DLGAP2: variants seen among roughly 807,000 people sequenced by gnomAD.
DLGAP2 encodes disks large-associated protein 2.
A neutral mutation model predicts 100.3 loss-of-function variants in DLGAP2; 26 were observed. The observed-to-expected ratio is 0.26, with a 90% CI of 0.19 to 0.36. The LOEUF is 0.36. Ranked by LOEUF, DLGAP2 falls within the 10% of genes least tolerant of loss-of-function variation. DLGAP2 has a pLI of 1.00. For synonymous variants in DLGAP2, 886 were observed against 630.1 expected, an observed-to-expected ratio of 1.41 and a Z score of -6.08; for missense variants, 1,858 against 1,453.2, an observed-to-expected ratio of 1.28 and a Z score of -4.53.
chr8:1,633,529 A>G (rs1056775390), intron 8 of DLGAP2, among the ~76,000 whole-genome samples: 9 of 152,300 alleles, frequency 5.9e-5, no homozygotes, highest in African/African-American at 1.7e-4. Context: ...ACTATCTTAG[A>G]GCTCCGAAGA....
At chr8:1,231,560 A>G (rs1013875702) in intron 2 of DLGAP2, among the ~76,000 whole-genome samples, 4 of 152,358 alleles carry the variant, frequency 2.6e-5, no homozygotes, top group African/African-American at 7.2e-5. Flanking sequence ...ACTACTCACG[A>G]TAGCAAAGAG....
intron 2 of DLGAP2, among the ~76,000 whole-genome samples, chr8:987,686 G>C (rs1233021084): frequency 6.6e-6 from 1 of 152,020 alleles, no homozygotes; most frequent in Non-Finnish European, 1.5e-5. Context: ...AGTAACCTCA[G>C]CTTTTCTGCC....
rs776597119 is a variant in DLGAP2, at chr8:1,668,698, C to T, written c.2160+20C>T. On this transcript the variant is annotated intron_variant, in intron 9 of 14. Transcript: ENST00000637795. Reference sequence around the variant, plus strand: ...ATTCAGGTAGCTGCTCTTGGCCGCCCGTCAGGGCCTCGCTCCACTCAGTCC... The same window carrying T: ...ATTCAGGTAGCTGCTCTTGGCCGCCTGTCAGGGCCTCGCTCCACTCAGTCC... 3.7e-5 allele frequency: 56 copies of T among 1,501,278 alleles called. No individual in the cohort carries two copies. The Middle Eastern group carries it at 8.8e-4, about 24-fold the overall frequency. 93.0% of individuals were successfully genotyped at this position (1,501,278 alleles called of 1,614,324 possible).
At chr8:995,674 C>G (rs1800764467) in intron 2 of DLGAP2, among the ~76,000 whole-genome samples, 1 of 152,180 alleles carries the variant, frequency 6.6e-6, no homozygotes. Context: ...ACACCAGAAA[C>G]AGAAGTGACT....
At chr8:1,308,252 A>G (rs562675072) in intron 3 of DLGAP2, among the ~76,000 whole-genome samples, 24 of 152,194 alleles carry the variant, frequency 1.6e-4, no homozygotes, top group Non-Finnish European at 2.8e-4. Flanking sequence ...ATTTAATGAG[A>G]TATCTGTCAA....
intron 2 of DLGAP2, among the ~76,000 whole-genome samples, chr8:1,098,907 G>C (rs1333378379): frequency 6.6e-6 from 1 of 152,148 alleles, no homozygotes; most frequent in Non-Finnish European, 1.5e-5. Flanking sequence ...ACAAATCACA[G>C]AACGACTTTG....
chr8:1,556,903 A>C (rs916855938), intron 5 of DLGAP2, among the ~76,000 whole-genome samples: 3 of 152,202 alleles, frequency 2.0e-5, no homozygotes, highest in African/African-American at 7.2e-5. Flanking sequence ...CCCGGGAGGC[A>C]GCAGCCATGC....
At chr8:1,131,255 C>G (rs907473430) in intron 2 of DLGAP2, among the ~76,000 whole-genome samples, 1 of 152,098 alleles carries the variant, frequency 6.6e-6, no homozygotes, top group South Asian at 2.1e-4. Flanking sequence ...TCAGGAAAAA[C>G]GAGTGACTGG....
At chr8:985,444 T>A (rs1800459242) in intron 2 of DLGAP2, among the ~76,000 whole-genome samples, 1 of 152,242 alleles carries the variant, frequency 6.6e-6, no homozygotes. Flanking sequence ...CAGGATTAAA[T>A]GAGATCATCC....
chr8:776,210 T>C lies in DLGAP2; in HGVS notation c.18+38385T>C, dbSNP rs570081768. On this transcript the variant is annotated intron_variant, in intron 1 of 14. Transcript: ENST00000637795. The stretch of plus-strand genomic sequence containing the variant: ...TTGGTGGTGATATCCCCTTTATCAT[T>C]TTTTATTGCGTCTATTTGATTCTTC... Among the ~76,000 whole-genome samples, 68 of 151,974 alleles carry C rather than the reference T, an allele frequency of 4.5e-4. 1 individual carries two copies. Among genetic ancestry groups the C allele is most frequent in the African/African-American group, 1.6e-3 (66 of 41,538 alleles).
chr8:1,202,086 G>A (rs1281620189), intron 2 of DLGAP2, among the ~76,000 whole-genome samples: 1 of 152,052 alleles, frequency 6.6e-6, no homozygotes, highest in Admixed American at 6.5e-5. Flanking sequence ...CCTGTGGTGT[G>A]TGCAAGTGTG....
intron 6 of DLGAP2, among the ~76,000 whole-genome samples, chr8:1,606,741 G>A (rs945129909): frequency 6.6e-6 from 1 of 152,080 alleles, no homozygotes; most frequent in Non-Finnish European, 1.5e-5. Context: ...GGAGTGCAGT[G>A]GCACAATCTC....
In DLGAP2 at chr8:766,548, C is replaced by T. The variant is rs182297898; in HGVS notation, c.18+28723C>T. ...GTGCCTCTGCCTTTATCAATGTGTC[C>T]GGCGTTATTGGCTGTCGGAGTGAGA... On this transcript the variant is annotated intron_variant, in intron 1 of 14. Coordinates refer to ENST00000637795, the MANE Select transcript of DLGAP2 (RefSeq NM_001346810.2). 7.9e-5 allele frequency among the ~76,000 whole-genome samples: 12 copies of T among 152,232 alleles called. No individual in the cohort carries two copies. The South Asian group carries it at 2.3e-3, about 29-fold the overall frequency.
chr8:1,420,234 G>C lies in DLGAP2; in HGVS notation c.107-81132G>C, dbSNP rs1388432057. Among the ~76,000 whole-genome samples, 2 of 152,146 alleles carry C rather than the reference G, an allele frequency of 1.3e-5. 1 individual carries two copies. The highest frequency in any genetic ancestry group is 2.9e-5 in the Non-Finnish European group (2 of 68,044). ...AGTCTCTGCATCAGCGTAAACTCAGGTGTGGTTGAAGGGCTGGCTGGGAAT... is the reference window on the plus strand; with the variant it reads ...AGTCTCTGCATCAGCGTAAACTCAGCTGTGGTTGAAGGGCTGGCTGGGAAT... On this transcript the variant is annotated intron_variant, in intron 3 of 14. Transcript: ENST00000637795.
Position 1,175,006 on chromosome 8 carries a change from T to C in DLGAP2, c.74-83845T>C, listed in dbSNP as rs78329136. On this transcript the variant is annotated intron_variant, in intron 2 of 14. Coordinates refer to ENST00000637795, the MANE Select transcript of DLGAP2 (RefSeq NM_001346810.2). Reference sequence around the variant, plus strand: ...AGAATGAAAATTAGATATTTCCCTATAAAAGTAGTCAGATGACAGGAGAGA... The same window carrying C: ...AGAATGAAAATTAGATATTTCCCTACAAAAGTAGTCAGATGACAGGAGAGA... Among the ~76,000 whole-genome samples, 828 of 152,250 alleles carry C rather than the reference T, an allele frequency of 5.4e-3. 12 individuals carry two copies. Among genetic ancestry groups the C allele is most frequent in the African/African-American group, 0.019 (799 of 41,526 alleles).
At chr8:1,040,554 C>T (rs1285175791) in intron 2 of DLGAP2, among the ~76,000 whole-genome samples, 52 of 140,836 alleles carry the variant, frequency 3.7e-4, no homozygotes, top group Admixed American at 2.4e-3. Flanking sequence ...GTGGTCGGCT[C>T]GGTGCGTGTG....
intron 1 of DLGAP2, among the ~76,000 whole-genome samples, chr8:805,068 G>A (rs1292432415): frequency 6.6e-6 from 1 of 152,176 alleles, no homozygotes; most frequent in Non-Finnish European, 1.5e-5. Flanking sequence ...ACTGCTCCTG[G>A]CCTCTGCCTT....
At chr8:825,531 T>C (rs1796671249) in intron 1 of DLGAP2, among the ~76,000 whole-genome samples, 2 of 152,212 alleles carry the variant, frequency 1.3e-5, no homozygotes, top group South Asian at 4.2e-4. Flanking sequence ...TTTGTTAGCA[T>C]GAAGTTCATC....
chr8:973,084 G>A (rs1186561644), intron 2 of DLGAP2, among the ~76,000 whole-genome samples: 2 of 152,126 alleles, frequency 1.3e-5, no homozygotes, highest in South Asian at 2.1e-4. Flanking sequence ...TTTTCTATTC[G>A]ACAAAACCGC....
Sources: gnomAD v4.1 joint callset for allele counts (sites outside exome capture counted in the v4.1 genomes callset) on GRCh38, gnomAD v4.1.1 for gene constraint, MANE v1.5 for transcripts, NCBI Gene and HGNC (gene_info 2026-07-23, HGNC 2026-07-21) for gene names.